ATP13A5: variants seen among roughly 807,000 people sequenced by gnomAD.
ATP13A5 encodes ATPase 13A5.
Under a neutral mutation model 150.2 loss-of-function variants are expected in ATP13A5, and 149 were observed. The observed-to-expected ratio is 0.99, with a 90% confidence interval of 0.87 to 1.14. The LOEUF (loss-of-function observed/expected upper bound fraction) is 1.14, where lower values mean the gene tolerates loss of function less well. Ranked by LOEUF, ATP13A5 falls within the 50% of genes most tolerant of loss-of-function variation. The pLI is 0.00. For synonymous variants in ATP13A5, 497 were observed against 522.2 expected (o/e 0.95, Z 0.66); for missense variants, 1,383 against 1,449.3 (o/e 0.95, Z 0.74).
intron 17 of ATP13A5, among the ~76,000 whole-genome samples, chr3:193,317,284 T>A (rs1365296007): frequency 6.6e-6 from 1 of 152,238 alleles, no homozygotes; most frequent in East Asian, 1.9e-4. Flanking sequence ...TTTTAAAAAG[T>A]CCTCTTAACT....
At chr3:193,308,362 G>T (rs7616321) in intron 21 of ATP13A5, among the ~76,000 whole-genome samples, 53,855 of 151,958 alleles carry the variant, frequency 0.35, 9,912 homozygotes, top group East Asian at 0.57. Context: ...GGGAGGCTGA[G>T]GCAGGGGGAT....
intron 26 of ATP13A5, among the ~76,000 whole-genome samples, chr3:193,288,299 C>T (rs951973359): frequency 1.3e-5 from 2 of 152,062 alleles, no homozygotes; most frequent in Non-Finnish European, 2.9e-5. Flanking sequence ...TATTAAACAG[C>T]CTCACTTGCT....
chr3:193,291,765 G>A (rs964518804), intron 25 of ATP13A5, among the ~76,000 whole-genome samples: 5 of 152,022 alleles, frequency 3.3e-5, no homozygotes, highest in Non-Finnish European at 7.4e-5. Context: ...GTCACCCATC[G>A]ATGTGCCAAG....
intron 20 of ATP13A5, among the ~76,000 whole-genome samples, chr3:193,310,999 A>G (rs1229203411): frequency 1.3e-5 from 2 of 152,204 alleles, no homozygotes; most frequent in African/African-American, 4.8e-5. Flanking sequence ...GAAGCAGAAG[A>G]GCATATGGAA....
chr3:193,348,591 G>C (rs533666975), intron 7 of ATP13A5, among the ~76,000 whole-genome samples: 1 of 152,288 alleles, frequency 6.6e-6, no homozygotes, highest in African/African-American at 2.4e-5. Flanking sequence ...GGAAAGGTAA[G>C]CTTTCTTTGT....
intron 10 of ATP13A5, 91 bp downstream of exon 10, chr3:193,334,838 G>A (rs1711784405): frequency 5.1e-6 from 6 of 1,184,714 alleles, no homozygotes; most frequent in Non-Finnish European, 7.2e-6. Context: ...CCAGAATGTG[G>A]CAGACTCCAT....
chr3:193,280,405 C>G (rs1163278948), intron 27 of ATP13A5, among the ~76,000 whole-genome samples: 6 of 152,116 alleles, frequency 3.9e-5, no homozygotes, highest in Non-Finnish European at 7.4e-5. Flanking sequence ...GAGTAATACT[C>G]CCTTACAAAA....
intron 9 of ATP13A5, among the ~76,000 whole-genome samples, chr3:193,340,488 G>A (rs1000304535): frequency 3.9e-5 from 6 of 152,182 alleles, no homozygotes; most frequent in Admixed American, 2.6e-4. Context: ...TGATAAGCTC[G>A]TCTGACAGGA....
chr3:193,342,677 C>G (rs3845938), intron 9 of ATP13A5, among the ~76,000 whole-genome samples: 35,540 of 152,044 alleles, frequency 0.23, 4,988 homozygotes, highest in Non-Finnish European at 0.31. Context: ...GGAATCAAGG[C>G]AAGTTCTATA....
chr3:193,286,384 T>G (rs1227446504), intron 26 of ATP13A5, among the ~76,000 whole-genome samples: 1 of 152,200 alleles, frequency 6.6e-6, no homozygotes, highest in African/African-American at 2.4e-5. Flanking sequence ...AAATTGAATG[T>G]TTGTGGCAAC....
chr3:193,303,550 A>C (rs1718489369), intron 23 of ATP13A5, among the ~76,000 whole-genome samples: 1 of 152,068 alleles, frequency 6.6e-6, no homozygotes, highest in African/African-American at 2.4e-5. Context: ...ATGTTAATGT[A>C]TGTATATATG....
At chr3:193,300,352 A>G (rs1222870150) in intron 24 of ATP13A5, among the ~76,000 whole-genome samples, 1 of 152,188 alleles carries the variant, frequency 6.6e-6, no homozygotes, top group Non-Finnish European at 1.5e-5. Context: ...GCCAAAGGCA[A>G]GACCTAATTT....
Position 193,294,949 on chromosome 3 carries a change from G to A in ATP13A5, c.2848+4182C>T, listed in dbSNP as rs533222783. The stretch of plus-strand genomic sequence containing the variant: ...TGCTTGGCTGGCTGAGAGCTGCAGC[G>A]TGCTGCCACTGCCCAGCATCCTAAG... On this transcript the variant is annotated intron_variant, in intron 25 of 29. Transcript: ENST00000342358. 1.4e-3 allele frequency among the ~76,000 whole-genome samples: 213 copies of A among 152,186 alleles called. 2 individuals carry two copies. Among genetic ancestry groups the A allele is most frequent in the African/African-American group, 5.0e-3 (208 of 41,552 alleles).
intron 21 of ATP13A5, among the ~76,000 whole-genome samples, chr3:193,307,763 T>C (rs985237520): frequency 6.6e-6 from 1 of 152,242 alleles, no homozygotes; most frequent in Admixed American, 6.5e-5. Flanking sequence ...AGTCACTGAC[T>C]GTTGCTGAGC....
At chr3:193,350,682 G>A (rs1187761877) in intron 7 of ATP13A5, among the ~76,000 whole-genome samples, 1 of 152,140 alleles carries the variant, frequency 6.6e-6, no homozygotes, top group Non-Finnish European at 1.5e-5. Context: ...ATTTAAGTCA[G>A]GGAAAATAGA....
intron 18 of ATP13A5, among the ~76,000 whole-genome samples, chr3:193,314,649 C>A (rs1718979653): frequency 8.5e-5 from 13 of 152,148 alleles, no homozygotes; most frequent in Admixed American, 8.5e-4. Context: ...GAGACTCAAT[C>A]CTCTATGCAG....
intron 7 of ATP13A5, among the ~76,000 whole-genome samples, chr3:193,347,770 C>A (rs1309938403): frequency 6.6e-6 from 1 of 152,170 alleles, no homozygotes; most frequent in Non-Finnish European, 1.5e-5. Flanking sequence ...TACTAGCAAA[C>A]TCTTTCTAAT....
intron 1 of ATP13A5, among the ~76,000 whole-genome samples, chr3:193,366,050 C>A (rs748169156): frequency 6.6e-6 from 1 of 151,986 alleles, no homozygotes; most frequent in Admixed American, 6.6e-5. Flanking sequence ...GCATATACAA[C>A]GTTCAGTGCA....
intron 1 of ATP13A5, among the ~76,000 whole-genome samples, 185 bp downstream of exon 1, chr3:193,378,478 C>T (rs922066133): frequency 2.0e-5 from 3 of 152,124 alleles, no homozygotes; most frequent in Admixed American, 2.0e-4. Flanking sequence ...GTTTCTCAGC[C>T]CCTGCAGGTT....
Sources: gnomAD v4.1 joint callset for allele counts (sites outside exome capture counted in the v4.1 genomes callset) on GRCh38, gnomAD v4.1.1 for gene constraint, MANE v1.5 for transcripts, NCBI Gene and HGNC (gene_info 2026-07-23, HGNC 2026-07-21) for gene names.